SIPA1L2: variants seen among roughly 807,000 people sequenced by gnomAD.
SIPA1L2 encodes the protein signal induced proliferation associated 1 like 2, also known as signal-induced proliferation-associated 1-like protein 2.
A neutral mutation model predicts 163.9 loss-of-function variants in SIPA1L2; 56 were observed. The ratio of observed to expected loss-of-function variants is 0.34; its 90% CI spans 0.28 to 0.43. The LOEUF is 0.43. SIPA1L2 is among the 20% of genes least tolerant of loss of function. The pLI is 1.00. For synonymous variants in SIPA1L2, 877 were observed against 865.7 expected, an observed-to-expected ratio of 1.01 and a Z score of -0.23; for missense variants, 1,974 against 2,193.5, an observed-to-expected ratio of 0.90 and a Z score of 2.00.
Position 232,623,864 on chromosome 1 carries a change from T to C in SIPA1L2, c.-319+6005A>G, listed in dbSNP as rs118099966. Among the ~76,000 whole-genome samples the C allele has an allele frequency of 4.8e-3, 733 of 152,174 alleles. 42 individuals are homozygous for C. In the East Asian group the frequency reaches 0.11, roughly 23 times the overall value. ...GCCTCACAAGACCCTACAGGCTCCC[T>C]AGAAATTCCATTTCTCAACTGCTAT... On this transcript the variant is annotated intron_variant, in intron 1 of 22. Transcript: ENST00000674635.
intron 7 of SIPA1L2, among the ~76,000 whole-genome samples, 155 bp downstream of exon 7, chr1:232,479,472 A>C (rs1019477208): frequency 6.6e-6 from 1 of 152,222 alleles, no homozygotes; most frequent in African/African-American, 2.4e-5. Flanking sequence ...TAAAGCCCAA[A>C]TACTTCCAAA....
chr1:232,439,831 A>C (rs1242208708), intron 14 of SIPA1L2, among the ~76,000 whole-genome samples: 1 of 152,244 alleles, frequency 6.6e-6, no homozygotes, highest in Non-Finnish European at 1.5e-5. Context: ...ATGGGAAATT[A>C]ATATAAGGAA....
intron 1 of SIPA1L2, among the ~76,000 whole-genome samples, chr1:232,609,934 T>C (rs541967011): frequency 6.6e-6 from 1 of 152,210 alleles, no homozygotes; most frequent in East Asian, 1.9e-4. Flanking sequence ...GTTCAAAATC[T>C]GTTATTAGCA....
chr1:232,596,660 C>T (rs1044205736), intron 1 of SIPA1L2, among the ~76,000 whole-genome samples: 1 of 152,148 alleles, frequency 6.6e-6, no homozygotes, highest in East Asian at 1.9e-4. Context: ...TAAATAAATA[C>T]TCTATTAAAT....
At chr1:232,437,459 A>T (rs1433045332) in intron 15 of SIPA1L2, among the ~76,000 whole-genome samples, 1 of 152,222 alleles carries the variant, frequency 6.6e-6, no homozygotes, top group East Asian at 1.9e-4. Flanking sequence ...CTGGTAAAAA[A>T]AGTAGTAGGA....
intron 18 of SIPA1L2, among the ~76,000 whole-genome samples, chr1:232,423,422 G>T (rs1376570046): frequency 6.6e-6 from 1 of 152,194 alleles, no homozygotes; most frequent in African/African-American, 2.4e-5. Flanking sequence ...TGGACAGGAG[G>T]TTGGAAATCA....
chr1:232,419,261 G>A (rs1661431454), intron 18 of SIPA1L2, among the ~76,000 whole-genome samples: 1 of 152,196 alleles, frequency 6.6e-6, no homozygotes, highest in Non-Finnish European at 1.5e-5. Flanking sequence ...TGGCAGTCTT[G>A]TTAGACAAAG....
intron 15 of SIPA1L2, 29 bp from the exon 16 acceptor site, chr1:232,432,500 A>T: frequency 6.3e-7 from 1 of 1,595,842 alleles, no homozygotes; most frequent in East Asian, 2.2e-5. Context: ...AAAAGCTGCA[A>T]TACAATCTGA....
intron 2 of SIPA1L2, among the ~76,000 whole-genome samples, chr1:232,550,039 C>T (rs1009269663): frequency 3.9e-5 from 6 of 152,226 alleles, no homozygotes; most frequent in African/African-American, 1.4e-4. Context: ...GGATTACACA[C>T]TTAACTATCT....
intron 18 of SIPA1L2, among the ~76,000 whole-genome samples, chr1:232,419,956 T>C (rs888121584): frequency 6.6e-6 from 1 of 152,188 alleles, no homozygotes. Flanking sequence ...ACAAGTTCTA[T>C]CCTTCAAAGA....
intron 6 of SIPA1L2, among the ~76,000 whole-genome samples, chr1:232,482,234 T>C (rs1665395825): frequency 6.6e-6 from 1 of 152,156 alleles, no homozygotes; most frequent in Non-Finnish European, 1.5e-5. Flanking sequence ...TGTAGGAAAA[T>C]ACTTGGATTA....
chr1:232,543,104 C>A (rs753223978), intron 2 of SIPA1L2, among the ~76,000 whole-genome samples: 4 of 152,194 alleles, frequency 2.6e-5, no homozygotes, highest in Non-Finnish European at 5.9e-5. Context: ...TCTAACACAA[C>A]CAGTCACTGT....
chr1:232,576,687 C>A (rs1660097131), intron 1 of SIPA1L2, among the ~76,000 whole-genome samples: 1 of 152,180 alleles, frequency 6.6e-6, no homozygotes, highest in Non-Finnish European at 1.5e-5. Flanking sequence ...CCTCTTGCGC[C>A]AAACAGCCAA....
intron 3 of SIPA1L2, among the ~76,000 whole-genome samples, chr1:232,503,249 C>T (rs554011501): frequency 1.7e-4 from 26 of 152,106 alleles, no homozygotes; most frequent in Admixed American, 4.6e-4. Flanking sequence ...CTAACAAGAT[C>T]GCAGTGCAGG....
chr1:232,594,618 C>T (rs1344282955), intron 1 of SIPA1L2, among the ~76,000 whole-genome samples: 1 of 152,102 alleles, frequency 6.6e-6, no homozygotes, highest in Non-Finnish European at 1.5e-5. Flanking sequence ...ATTTCAATGC[C>T]CCTTTACCCA....
intron 1 of SIPA1L2, among the ~76,000 whole-genome samples, chr1:232,601,679 T>C (rs1338396766): frequency 6.6e-6 from 1 of 152,310 alleles, no homozygotes; most frequent in East Asian, 1.9e-4. Context: ...TAAATGTTTC[T>C]GAAATTCCAC....
At chr1:232,506,514 T>C (rs145843018) in intron 3 of SIPA1L2, among the ~76,000 whole-genome samples, 4 of 152,334 alleles carry the variant, frequency 2.6e-5, no homozygotes, top group East Asian at 1.9e-4. Context: ...TGGACACTTT[T>C]ACCTAATGGC....
chr1:232,569,306 A>C (rs557345609), intron 2 of SIPA1L2, among the ~76,000 whole-genome samples: 13 of 152,270 alleles, frequency 8.5e-5, no homozygotes, highest in Non-Finnish European at 1.6e-4. Flanking sequence ...ATATATAGGC[A>C]ACTGCATGTC....
intron 2 of SIPA1L2, among the ~76,000 whole-genome samples, chr1:232,559,948 AC>A (rs1282223108): frequency 3.3e-5 from 5 of 152,180 alleles, no homozygotes; most frequent in African/African-American, 1.2e-4. Context: ...GAGTAATAAT[AC>A]CTACCCATCA....
Sources: gnomAD v4.1 joint callset for allele counts (sites outside exome capture counted in the v4.1 genomes callset) on GRCh38, gnomAD v4.1.1 for gene constraint, MANE v1.5 for transcripts, NCBI Gene and HGNC (gene_info 2026-07-23, HGNC 2026-07-21) for gene names.